The following SLC4A10 variants were observed in gnomAD, a reference collection of about 807,000 sequenced individuals.
SLC4A10 encodes the protein solute carrier family 4 member 10.
Under a neutral mutation model 137.7 loss-of-function variants are expected in SLC4A10, and 42 were observed. The ratio of observed to expected loss-of-function variants is 0.30; its 90% confidence interval spans 0.24 to 0.39. The LOEUF (loss-of-function observed/expected upper bound fraction) is 0.39. Among genes scored for constraint, SLC4A10 ranks in the 10% least tolerant of loss-of-function variants. SLC4A10 has a pLI of 1.00. For missense variants in SLC4A10, 925 were observed against 1,355.0 expected (o/e 0.68, Z 4.98); for synonymous variants, 474 against 464.1 (o/e 1.02, Z -0.27).
chr2:161,638,573 T>C (rs2034801238), intron 1 of SLC4A10, among the ~76,000 whole-genome samples: 1 of 152,136 alleles, frequency 6.6e-6, no homozygotes, highest in Non-Finnish European at 1.5e-5. Context: ...CCTCTAGTTT[T>C]CTTCTTTTTG....
At chr2:161,855,373 T>C (rs181578859) in intron 5 of SLC4A10, among the ~76,000 whole-genome samples, 2 of 152,226 alleles carry the variant, frequency 1.3e-5, no homozygotes, top group East Asian at 1.9e-4. Flanking sequence ...TTGATTCCCA[T>C]TCACCATTTA....
chr2:161,942,691 G>A, intron 15 of SLC4A10, 101 bp from the exon 16 acceptor site: 3 of 838,112 alleles, frequency 3.6e-6, no homozygotes, highest in Admixed American at 4.2e-5. Flanking sequence ...GTCAAATAGA[G>A]GAATGCTGTG....
chr2:161,908,918 T>C (rs1053938657), intron 15 of SLC4A10, among the ~76,000 whole-genome samples: 122 of 151,682 alleles, frequency 8.0e-4, no homozygotes, highest in African/African-American at 2.8e-3. Context: ...ATCAAGGGAT[T>C]AAGTAAGACA....
At chr2:161,823,416 T>C (rs1005826095) in intron 3 of SLC4A10, among the ~76,000 whole-genome samples, 1 of 152,216 alleles carries the variant, frequency 6.6e-6, no homozygotes, top group African/African-American at 2.4e-5. Context: ...ACCTGAGCAG[T>C]TCATCTCTTC....
intron 11 of SLC4A10, among the ~76,000 whole-genome samples, 173 bp from the exon 12 acceptor site, chr2:161,900,738 A>G (rs1410577088): frequency 6.6e-6 from 1 of 152,120 alleles, no homozygotes; most frequent in Non-Finnish European, 1.5e-5. Context: ...GAAGAAACTA[A>G]CACTTTAAAA....
At chr2:161,961,576 G>C (rs1223482191) in intron 21 of SLC4A10, among the ~76,000 whole-genome samples, 2 of 136,910 alleles carry the variant, frequency 1.5e-5, no homozygotes, top group African/African-American at 5.4e-5. Flanking sequence ...TTTGGCAAAA[G>C]TTCCATGAGT....
At chr2:161,880,172 C>T (rs1241615449) in intron 9 of SLC4A10, among the ~76,000 whole-genome samples, 1 of 152,002 alleles carries the variant, frequency 6.6e-6, no homozygotes, top group African/African-American at 2.4e-5. Flanking sequence ...TATTTAGGGC[C>T]CCGTTCCCAT....
At chr2:161,888,173 G>C (rs1305253075) in intron 10 of SLC4A10, among the ~76,000 whole-genome samples, 1 of 151,856 alleles carries the variant, frequency 6.6e-6, no homozygotes, top group Non-Finnish European at 1.5e-5. Flanking sequence ...TATTGGTTTG[G>C]ATACAAGTGC....
At chr2:161,675,347 C>T (rs1413990094) in intron 1 of SLC4A10, among the ~76,000 whole-genome samples, 1 of 152,182 alleles carries the variant, frequency 6.6e-6, no homozygotes, top group East Asian at 1.9e-4. Flanking sequence ...AACCTGAAGC[C>T]TTCTCACATG....
At chr2:161,862,626 A>G (rs2060496056) in intron 5 of SLC4A10, among the ~76,000 whole-genome samples, 1 of 152,198 alleles carries the variant, frequency 6.6e-6, no homozygotes, top group Non-Finnish European at 1.5e-5. Context: ...AATACTTCAT[A>G]AGAATTATAT....
chr2:161,715,140 A>T (rs2125082736), intron 1 of SLC4A10, among the ~76,000 whole-genome samples: 1 of 152,120 alleles, frequency 6.6e-6, no homozygotes, highest in Non-Finnish European at 1.5e-5. Context: ...ATTGCCTGCA[A>T]AGGATAGGAC....
intron 21 of SLC4A10, among the ~76,000 whole-genome samples, chr2:161,961,838 A>G (rs532715558): frequency 1.3e-4 from 20 of 152,318 alleles, no homozygotes; most frequent in South Asian, 6.2e-4. Flanking sequence ...CATGAGTTAA[A>G]TATAATGAGT....
chr2:161,910,898 G>A (rs975775674), intron 15 of SLC4A10, among the ~76,000 whole-genome samples: 1 of 151,798 alleles, frequency 6.6e-6, no homozygotes, highest in Non-Finnish European at 1.5e-5. Context: ...ATTTAACAAT[G>A]AGAATTTCAT....
chr2:161,694,395 C>G (rs2042288537), intron 1 of SLC4A10, among the ~76,000 whole-genome samples: 1 of 151,532 alleles, frequency 6.6e-6, no homozygotes, highest in South Asian at 2.1e-4. Flanking sequence ...ATTTTACTTC[C>G]CTTAAACCTC....
chr2:161,697,920 T>G (rs1452856726), intron 1 of SLC4A10, among the ~76,000 whole-genome samples: 2 of 152,254 alleles, frequency 1.3e-5, no homozygotes, highest in East Asian at 3.8e-4. Context: ...TTCACAATAT[T>G]GATTTTTCCT....
chr2:161,767,866 T>C (rs182318313), intron 1 of SLC4A10, among the ~76,000 whole-genome samples: 236 of 152,136 alleles, frequency 1.6e-3, no homozygotes, highest in Non-Finnish European at 1.9e-3. Context: ...GTTCCTCACC[T>C]ACAATTTTCT....
intron 2 of SLC4A10, among the ~76,000 whole-genome samples, chr2:161,782,886 G>C (rs543787511): frequency 6.6e-6 from 1 of 151,204 alleles, no homozygotes; most frequent in South Asian, 2.1e-4. Context: ...TATGCATTAT[G>C]AGAATTCCAG....
chr2:161,681,320 A>T (rs912433833), intron 1 of SLC4A10, among the ~76,000 whole-genome samples: 3 of 152,280 alleles, frequency 2.0e-5, no homozygotes, highest in African/African-American at 7.2e-5. Context: ...ATCCAGCTAG[A>T]ATCAGAGACT....
intron 1 of SLC4A10, among the ~76,000 whole-genome samples, chr2:161,667,643 A>G (rs1379450570): frequency 6.6e-6 from 1 of 151,700 alleles, no homozygotes; most frequent in East Asian, 1.9e-4. Flanking sequence ...GAGTTGTAGC[A>G]GTTACTTTGA....
Sources: allele counts gnomAD v4.1 joint callset (sites outside exome capture counted in the v4.1 genomes callset), GRCh38; gene constraint gnomAD v4.1.1; transcripts MANE v1.5; gene names NCBI Gene and HGNC (gene_info 2026-07-23, HGNC 2026-07-21).